Variants in DYNC1I1 observed in about 807,000 individuals in gnomAD.
DYNC1I1 encodes dynein cytoplasmic 1 intermediate chain 1, also known as cytoplasmic dynein 1 intermediate chain 1.
In DYNC1I1, 43 loss-of-function variants were observed where a neutral mutation model predicts 86.6. The ratio of observed to expected loss-of-function variants is 0.50; its 90% CI spans 0.39 to 0.64. The LOEUF (loss-of-function observed/expected upper bound fraction) is 0.64. Among genes scored for constraint, DYNC1I1 ranks in the 30% least tolerant of loss-of-function variants. The pLI is 0.00. For synonymous variants in DYNC1I1, 262 were observed against 283.7 expected (o/e 0.92, Z 0.77); for missense variants, 604 against 788.8 (o/e 0.77, Z 2.81).
rs544500348 is a variant in DYNC1I1, at chr7:95,979,258, C to G, written c.580+1657C>G. On this transcript the variant is annotated intron_variant, in intron 7 of 16. Transcript: ENST00000447467. ...AGCATAGCCTCTGGAGCCACACTAC[C>G]TGGGATAAAATCTTGTCTCTGTCAA... Among the ~76,000 whole-genome samples, 130 of 152,296 alleles carry G rather than the reference C, an allele frequency of 8.5e-4. No individual in the cohort carries two copies. In the Middle Eastern group the frequency reaches 0.031, roughly 36 times the overall value.
At chr7:96,083,990 A>G (rs1584308893) in intron 16 of DYNC1I1, among the ~76,000 whole-genome samples, 1 of 152,190 alleles carries the variant, frequency 6.6e-6, no homozygotes, top group East Asian at 1.9e-4. Context: ...CAGTACGTTG[A>G]ATACATGTCT....
intron 6 of DYNC1I1, among the ~76,000 whole-genome samples, chr7:95,974,453 T>C (rs923870119): frequency 1.3e-5 from 2 of 152,190 alleles, no homozygotes; most frequent in Non-Finnish European, 2.9e-5. Context: ...TAGTTATTCT[T>C]ACAACAACGT....
intron 6 of DYNC1I1, among the ~76,000 whole-genome samples, chr7:95,874,983 T>G (rs1363382306): frequency 6.6e-6 from 1 of 152,214 alleles, no homozygotes; most frequent in Admixed American, 6.5e-5. Context: ...GTTAGGCTCA[T>G]GATTTAAACT....
intron 7 of DYNC1I1, among the ~76,000 whole-genome samples, chr7:95,978,221 A>C (rs967020917): frequency 6.6e-6 from 1 of 152,228 alleles, no homozygotes; most frequent in African/African-American, 2.4e-5. Flanking sequence ...TTATAGGCAG[A>C]GAACTAGGAA....
chr7:95,999,841 A>G lies in DYNC1I1; in HGVS notation c.969+3768A>G, dbSNP rs560957800. On this transcript the variant is annotated intron_variant, in intron 10 of 16. Coordinates refer to ENST00000447467, the MANE Select transcript of DYNC1I1 (RefSeq NM_001135556.2). ...TCTCTAGTCTCTGGTTCAATTGTAAAGTTTATTTCAGTAAACCTCATTTCT... is the reference window on the plus strand; with the variant it reads ...TCTCTAGTCTCTGGTTCAATTGTAAGGTTTATTTCAGTAAACCTCATTTCT... 3.3e-5 allele frequency among the ~76,000 whole-genome samples: 5 copies of G among 152,240 alleles called. No individual in the cohort carries two copies. The South Asian group carries it at 1.0e-3, about 32-fold the overall frequency.
At chr7:95,932,424 C>T (rs1362337046) in intron 6 of DYNC1I1, among the ~76,000 whole-genome samples, 1 of 152,130 alleles carries the variant, frequency 6.6e-6, no homozygotes, top group East Asian at 1.9e-4. Flanking sequence ...TCAGAATGGA[C>T]ATTTTATGCT....
intron 14 of DYNC1I1, among the ~76,000 whole-genome samples, chr7:96,066,419 G>C (rs954677738): frequency 1.3e-5 from 2 of 152,118 alleles, no homozygotes; most frequent in African/African-American, 4.8e-5. Flanking sequence ...CTACATACTT[G>C]TTCTCTTTCT....
intron 6 of DYNC1I1, among the ~76,000 whole-genome samples, chr7:95,893,948 G>A (rs1324278708): frequency 6.6e-6 from 1 of 152,154 alleles, no homozygotes; most frequent in Non-Finnish European, 1.5e-5. Flanking sequence ...AAATTTTGAA[G>A]TGATGTGAAA....
intron 5 of DYNC1I1, among the ~76,000 whole-genome samples, chr7:95,863,007 G>A (rs1031930546): frequency 6.6e-6 from 1 of 151,838 alleles, no homozygotes; most frequent in Admixed American, 6.6e-5. Flanking sequence ...GAATATTTTT[G>A]ATCAGCAGTT....
intron 16 of DYNC1I1, among the ~76,000 whole-genome samples, chr7:96,086,836 C>A (rs144536869): frequency 6.6e-6 from 1 of 152,002 alleles, no homozygotes; most frequent in African/African-American, 2.4e-5. Flanking sequence ...TTATTTGTAA[C>A]GCCAACAGGA....
At chr7:95,800,853 A>T (rs1794560578) in intron 1 of DYNC1I1, among the ~76,000 whole-genome samples, 1 of 152,286 alleles carries the variant, frequency 6.6e-6, no homozygotes, top group Admixed American at 6.5e-5. Context: ...TGCATTAGCC[A>T]CAGGAATCTC....
intron 2 of DYNC1I1, 81 bp from the exon 3 acceptor site, chr7:95,810,311 C>T (rs1794798718): frequency 8.9e-7 from 1 of 1,123,092 alleles, no homozygotes; most frequent in African/African-American, 1.6e-5. Flanking sequence ...CACTGCCATG[C>T]ATTTATCATT....
chr7:96,075,967 T>A, intron 14 of DYNC1I1, 90 bp from the exon 15 acceptor site: 2 of 1,520,536 alleles, frequency 1.3e-6, no homozygotes, highest in East Asian at 4.6e-5. Context: ...TATGACACTT[T>A]GTGAATGTGC....
intron 6 of DYNC1I1, among the ~76,000 whole-genome samples, chr7:95,902,607 C>A (rs1488862041): frequency 1.3e-5 from 2 of 152,170 alleles, no homozygotes. Flanking sequence ...TGTTTACATT[C>A]ATGTTATATA....
At chr7:96,109,256 A>G (rs1791268761) in intron 16 of DYNC1I1, among the ~76,000 whole-genome samples, 2 of 151,772 alleles carry the variant, frequency 1.3e-5, no homozygotes, top group South Asian at 4.2e-4. Context: ...GTACGTATAC[A>G]CAATGTGCAG....
rs1178323350 is a variant in DYNC1I1, at chr7:95,813,348, T to C, written c.314+11T>C. ...GGGGCCATTAACAAGGTAAGAATTG[T>C]CCCTTTAAAAGGCCATGATGGGTGT... is the stretch of plus-strand genomic sequence containing the variant. On this transcript the variant is annotated intron_variant, in intron 4 of 16. Transcript: ENST00000447467. 6.2e-7 allele frequency: 1 copy of C among 1,604,578 alleles called. No individual in the cohort carries two copies. Among genetic ancestry groups the C allele is most frequent in the Non-Finnish European group, 8.5e-7 (1 of 1,177,094 alleles).
chr7:95,933,149 C>A (rs1032483427), intron 6 of DYNC1I1, among the ~76,000 whole-genome samples: 7 of 152,116 alleles, frequency 4.6e-5, no homozygotes, highest in African/African-American at 1.7e-4. Context: ...TCCCGAAGTG[C>A]TGGGATTACA....
rs1487653420 is a variant in DYNC1I1, at chr7:96,097,875, T to C, written c.*282T>C. 1 of 1,126,190 alleles carries C rather than the reference T, an allele frequency of 8.9e-7. No individual in the cohort carries two copies. Among genetic ancestry groups the C allele is most frequent in the African/African-American group, 1.6e-5 (1 of 62,730 alleles). The allele number at this position is 1,126,190 out of a possible 1,614,324, so 69.8% of individuals were successfully genotyped here. ...CTGCCTTTTAACTACTTTGTAGCTG[T>C]ATTTAATAGCTGGAAACCTCTGGTT... is the stretch of plus-strand genomic sequence containing the variant. On this transcript the variant is annotated 3_prime_UTR_variant, in exon 17 of 17. Transcript: ENST00000447467.
At chr7:95,983,718 G>A (rs921973218) in intron 7 of DYNC1I1, among the ~76,000 whole-genome samples, 1 of 152,142 alleles carries the variant, frequency 6.6e-6, no homozygotes, top group Non-Finnish European at 1.5e-5. Flanking sequence ...GGTGGAAATC[G>A]ATTTTGTTGT....
Sources: allele counts gnomAD v4.1 joint callset (sites outside exome capture counted in the v4.1 genomes callset), GRCh38; gene constraint gnomAD v4.1.1; transcripts MANE v1.5; gene names NCBI Gene and HGNC (gene_info 2026-07-23, HGNC 2026-07-21).